SOX6: variants seen among roughly 807,000 people sequenced by gnomAD.
SOX6 encodes transcription factor SOX-6.
SOX6 carries 11 observed loss-of-function variants against 97.8 expected under a neutral mutation model. The observed-to-expected ratio is 0.11, with a 90% confidence interval of 0.07 to 0.19. The LOEUF (loss-of-function observed/expected upper bound fraction) is 0.19, where lower values mean the gene tolerates loss of function less well. Ranked by LOEUF, SOX6 falls within the 10% of genes least tolerant of loss-of-function variation. The pLI, the probability that SOX6 is intolerant of heterozygous loss-of-function variation, is 1.00. For missense variants in SOX6, 810 were observed against 1,039.5 expected, an observed-to-expected ratio of 0.78 and a Z score of 3.04; for synonymous variants, 360 against 371.4, an observed-to-expected ratio of 0.97 and a Z score of 0.35.
chr11:16,620,103 G>A (rs1848523722), intron 3 of SOX6, among the ~76,000 whole-genome samples: 1 of 152,056 alleles, frequency 6.6e-6, no homozygotes, highest in Non-Finnish European at 1.5e-5. Context: ...CTAAAAGATT[G>A]TTAAAAATCA....
At chr11:16,065,462 A>G (rs1848071800) in intron 9 of SOX6, among the ~76,000 whole-genome samples, 1 of 152,056 alleles carries the variant, frequency 6.6e-6, no homozygotes, top group African/African-American at 2.4e-5. Flanking sequence ...ATTCCATGCA[A>G]TCCACATCAA....
intron 1 of SOX6, among the ~76,000 whole-genome samples, chr11:16,414,925 G>T (rs1169712455): frequency 2.0e-5 from 3 of 152,004 alleles, no homozygotes; most frequent in African/African-American, 7.2e-5. Flanking sequence ...TTAATGCATT[G>T]TTATTCAATA....
chr11:16,389,625 G>A (rs1054567335), intron 1 of SOX6, among the ~76,000 whole-genome samples: 35 of 151,692 alleles, frequency 2.3e-4, no homozygotes, highest in Non-Finnish European at 4.4e-4. Context: ...TGACCACTAT[G>A]CTGTGGAGAC....
At chr11:16,051,203 G>A (rs554868028) in intron 10 of SOX6, among the ~76,000 whole-genome samples, 3 of 152,172 alleles carry the variant, frequency 2.0e-5, no homozygotes, top group Admixed American at 6.6e-5. Flanking sequence ...TATATACCAA[G>A]CACATACTAA....
At chr11:16,385,379 G>C (rs1217567646) in intron 1 of SOX6, among the ~76,000 whole-genome samples, 1 of 151,968 alleles carries the variant, frequency 6.6e-6, no homozygotes, top group African/African-American at 2.4e-5. Context: ...TTTAATATCA[G>C]AGGCATCTAT....
intron 3 of SOX6, among the ~76,000 whole-genome samples, chr11:16,680,885 G>A (rs756814348): frequency 2.6e-5 from 4 of 152,126 alleles, no homozygotes; most frequent in Admixed American, 1.3e-4. Flanking sequence ...ATGGTAAAGG[G>A]ATCAATTCAA....
chr11:16,520,744 C>A (rs113501898), intron 4 of SOX6, among the ~76,000 whole-genome samples: 16 of 152,292 alleles, frequency 1.1e-4, no homozygotes, highest in African/African-American at 1.9e-4. Flanking sequence ...GGGTGATGGA[C>A]GGCACCTGGA....
At chr11:16,151,131 T>G (rs973056727) in intron 6 of SOX6, among the ~76,000 whole-genome samples, 4 of 152,160 alleles carry the variant, frequency 2.6e-5, no homozygotes, top group African/African-American at 9.7e-5. Context: ...CTTTGACATA[T>G]GCAATATATT....
At chr11:16,393,406 C>T (rs959601997) in intron 1 of SOX6, among the ~76,000 whole-genome samples, 1 of 135,810 alleles carries the variant, frequency 7.4e-6, no homozygotes, top group African/African-American at 2.7e-5. Flanking sequence ...CATTTGTTTT[C>T]AAAAAAAATA....
intron 4 of SOX6, among the ~76,000 whole-genome samples, chr11:16,190,208 G>C (rs1374081365): frequency 6.6e-6 from 1 of 152,042 alleles, no homozygotes; most frequent in Non-Finnish European, 1.5e-5. Context: ...TTTTTCTTTG[G>C]ACTTAAAAGA....
intron 1 of SOX6, among the ~76,000 whole-genome samples, chr11:16,467,824 C>T (rs577296888): frequency 2.6e-5 from 4 of 152,214 alleles, no homozygotes; most frequent in South Asian, 4.1e-4. Flanking sequence ...AAAAGACATG[C>T]TAAAGGTTAA....
chr11:16,246,535 T>C (rs1853341491), intron 3 of SOX6, among the ~76,000 whole-genome samples: 1 of 152,084 alleles, frequency 6.6e-6, no homozygotes, highest in East Asian at 1.9e-4. Context: ...GGTTGCAATT[T>C]TTTTAGGACC....
At chr11:16,136,921 C>A (rs1215609540) in intron 6 of SOX6, among the ~76,000 whole-genome samples, 2 of 152,172 alleles carry the variant, frequency 1.3e-5, no homozygotes, top group Non-Finnish European at 2.9e-5. Context: ...TCTGGTTTTA[C>A]TTTGCCTGTT....
intron 3 of SOX6, among the ~76,000 whole-genome samples, chr11:16,666,693 A>G (rs1847809494): frequency 6.6e-6 from 1 of 152,200 alleles, no homozygotes; most frequent in Admixed American, 6.5e-5. Flanking sequence ...GCTATTCAGG[A>G]GGCTGAGGCA....
chr11:16,496,096 A>C (rs1860590821), intron 4 of SOX6, among the ~76,000 whole-genome samples: 1 of 152,240 alleles, frequency 6.6e-6, no homozygotes, highest in South Asian at 2.1e-4. Context: ...CCTCTGCTAT[A>C]AATGTAAATT....
intron 4 of SOX6, among the ~76,000 whole-genome samples, chr11:16,194,155 G>A (rs1345302228): frequency 6.6e-6 from 1 of 152,182 alleles, no homozygotes; most frequent in Non-Finnish European, 1.5e-5. Context: ...CAGCATACCA[G>A]CAGCTAATTT....
intron 3 of SOX6, among the ~76,000 whole-genome samples, chr11:16,679,144 C>T (rs1391317826): frequency 2.0e-5 from 3 of 152,188 alleles, no homozygotes; most frequent in African/African-American, 4.8e-5. Flanking sequence ...TGAGAGTGGA[C>T]GGACTGCCTC....
intron 4 of SOX6, among the ~76,000 whole-genome samples, chr11:16,564,499 A>G (rs954320947): frequency 1.1e-4 from 17 of 152,338 alleles, no homozygotes; most frequent in African/African-American, 2.6e-4. Context: ...ACTCCATTCA[A>G]TGACAGAATA....
At chr11:15,992,457 C>A (rs1854084941) in intron 13 of SOX6, among the ~76,000 whole-genome samples, 1 of 152,154 alleles carries the variant, frequency 6.6e-6, no homozygotes, top group Non-Finnish European at 1.5e-5. Context: ...TTTTTGCCCC[C>A]TTCCTGTCCT....
Sources: allele counts gnomAD v4.1 joint callset (sites outside exome capture counted in the v4.1 genomes callset), GRCh38; gene constraint gnomAD v4.1.1; transcripts MANE v1.5; gene names NCBI Gene and HGNC (gene_info 2026-07-23, HGNC 2026-07-21).